The following ADGRL2 variants were observed in gnomAD, a reference collection of about 807,000 sequenced individuals.
The protein encoded by ADGRL2 is calcium-independent alpha-latrotoxin receptor 2.
A neutral mutation model predicts 157.4 loss-of-function variants in ADGRL2; 44 were observed. That is an observed-to-expected ratio of 0.28 (90% CI 0.22 to 0.36). The LOEUF (loss-of-function observed/expected upper bound fraction) is 0.36, where lower values mean the gene tolerates loss of function less well. ADGRL2 is among the 10% of genes least tolerant of loss of function. ADGRL2 has a pLI of 1.00. For missense variants in ADGRL2, 1,510 were observed against 1,768.9 expected (o/e 0.85, Z 2.63); for synonymous variants, 585 against 624.7 (o/e 0.94, Z 0.95).
chr1:81,503,245 A>C (rs1570305661), intron 2 of ADGRL2: 13 of 1,614,072 alleles, frequency 8.1e-6, no homozygotes, highest in African/African-American at 8.0e-5. Context: ...ACTGAACCTG[A>C]CCACGAGTAG....
At chr1:81,388,709 G>A (rs754765883) in intron 1 of ADGRL2, among the ~76,000 whole-genome samples, 2 of 152,088 alleles carry the variant, frequency 1.3e-5, no homozygotes, top group African/African-American at 2.4e-5. Context: ...CGGATCTGCG[G>A]GTACCTTGAT....
At chr1:81,502,157 A>G (rs2078866833) in intron 2 of ADGRL2, 1 of 1,591,892 alleles carries the variant, frequency 6.3e-7, no homozygotes. Flanking sequence ...TCATGTGCAG[A>G]AAGTAGCTCG....
At chr1:81,805,511 T>A (rs1425915956) in intron 1 of ADGRL2, among the ~76,000 whole-genome samples, 1 of 151,978 alleles carries the variant, frequency 6.6e-6, no homozygotes, top group Non-Finnish European at 1.5e-5. Context: ...TTAATGAAAA[T>A]GAATTCCAAT....
intron 1 of ADGRL2, among the ~76,000 whole-genome samples, chr1:81,442,525 T>G (rs749768718): frequency 1.3e-5 from 2 of 152,236 alleles, no homozygotes; most frequent in Non-Finnish European, 2.9e-5. Flanking sequence ...ATTTTATCCC[T>G]ATCTGTAAAT....
intron 1 of ADGRL2, among the ~76,000 whole-genome samples, chr1:81,373,436 A>T (rs1472597756): frequency 6.6e-6 from 1 of 152,192 alleles, no homozygotes; most frequent in East Asian, 1.9e-4. Context: ...AAGGCTTAAT[A>T]ACAGGATGGA....
In ADGRL2 at chr1:81,361,911, C is replaced by T. The variant is rs140028535; in HGVS notation, c.-302+55402C>T. Among the ~76,000 whole-genome samples the T allele has an allele frequency of 2.8e-4, 42 of 151,892 alleles. No homozygotes were observed. The East Asian group carries it at 7.4e-3, about 27-fold the overall frequency. On this transcript the variant is annotated intron_variant, in intron 1 of 24. Coordinates refer to the ADGRL2 transcript ENST00000370721. ...TTTTTTTCCTCCCCCATTCAATAACCCTCTGTTCCAGTAGCATACACTATG... is the reference window on the plus strand; with the variant it reads ...TTTTTTTCCTCCCCCATTCAATAACTCTCTGTTCCAGTAGCATACACTATG...
intron 2 of ADGRL2, among the ~76,000 whole-genome samples, chr1:81,853,615 A>C (rs1268261242): frequency 2.0e-5 from 3 of 152,232 alleles, no homozygotes; most frequent in Non-Finnish European, 4.4e-5. Flanking sequence ...TATGTGAATA[A>C]GCAGTGAAAT....
chr1:81,538,087 ATTTATC>A (rs2079790243), intron 2 of ADGRL2, among the ~76,000 whole-genome samples: 1 of 152,188 alleles, frequency 6.6e-6, no homozygotes, highest in South Asian at 2.1e-4. Context: ...CTTTTTATAA[ATTTATC>A]TTTGAAAATG....
intron 2 of ADGRL2, among the ~76,000 whole-genome samples, chr1:81,893,101 T>C (rs1470434342): frequency 6.6e-6 from 1 of 152,174 alleles, no homozygotes; most frequent in Non-Finnish European, 1.5e-5. Context: ...GTGTTCATTG[T>C]TACATCTTCT....
At chr1:81,510,021 T>C (rs552210583) in intron 2 of ADGRL2, among the ~76,000 whole-genome samples, 1 of 152,314 alleles carries the variant, frequency 6.6e-6, no homozygotes, top group South Asian at 2.1e-4. Context: ...ATATGTTTAG[T>C]TTATGCTCAT....
intron 2 of ADGRL2, among the ~76,000 whole-genome samples, chr1:81,548,639 C>A (rs2080075815): frequency 6.6e-6 from 1 of 152,088 alleles, no homozygotes; most frequent in South Asian, 2.1e-4. Flanking sequence ...TTTTCACTCT[C>A]AATTTTGATC....
intron 1 of ADGRL2, among the ~76,000 whole-genome samples, chr1:81,723,644 T>G (rs2084412397): frequency 6.6e-6 from 1 of 152,204 alleles, no homozygotes; most frequent in Non-Finnish European, 1.5e-5. Flanking sequence ...CTTGTCTTTT[T>G]AAATGCTTTA....
intron 6 of ADGRL2, among the ~76,000 whole-genome samples, chr1:81,944,069 A>C (rs422494): frequency 0.05 from 7,543 of 152,022 alleles, 529 homozygotes; most frequent in African/African-American, 0.15. Context: ...GTTTTCCCCT[A>C]CTTGACTGCT....
chr1:81,318,265 G>A (rs538975841), intron 1 of ADGRL2, among the ~76,000 whole-genome samples: 1 of 152,264 alleles, frequency 6.6e-6, no homozygotes, highest in South Asian at 2.1e-4. Context: ...ATATTAGTCA[G>A]TGAAGCCAAG....
At chr1:81,503,326 C>G in intron 2 of ADGRL2, 1 of 1,614,136 alleles carries the variant, frequency 6.2e-7, no homozygotes, top group Non-Finnish European at 8.5e-7. Flanking sequence ...TGCCCAGAAG[C>G]CTGTGGTCCA....
intron 2 of ADGRL2, among the ~76,000 whole-genome samples, chr1:81,488,550 A>T (rs2078559277): frequency 6.6e-6 from 1 of 150,718 alleles, no homozygotes; most frequent in Non-Finnish European, 1.5e-5. Flanking sequence ...AAAAAAAAAA[A>T]ATACAAAAAT....
intron 1 of ADGRL2, chr1:81,722,270 G>C: frequency 2.3e-6 from 1 of 441,784 alleles, no homozygotes; most frequent in South Asian, 2.0e-5. Flanking sequence ...TCCAGCCTGG[G>C]CGACAGAGCG....
upstream of ADGRL2, among the ~76,000 whole-genome samples, chr1:81,799,386 T>C (rs983676301): frequency 3.3e-5 from 5 of 152,176 alleles, no homozygotes; most frequent in African/African-American, 9.7e-5. Context: ...ATACATCAGG[T>C]AGAAGAAATT....
intron 3 of ADGRL2, among the ~76,000 whole-genome samples, chr1:81,675,557 T>C (rs928651993): frequency 1.8e-4 from 27 of 150,094 alleles, no homozygotes; most frequent in African/African-American, 6.7e-4. Flanking sequence ...TGTCCAGGCA[T>C]TGGAAAAATA....
Sources: allele counts gnomAD v4.1 joint callset (sites outside exome capture counted in the v4.1 genomes callset), GRCh38; gene constraint gnomAD v4.1.1; transcripts MANE v1.5; gene names NCBI Gene and HGNC (gene_info 2026-07-23, HGNC 2026-07-21).